The following CFAP77 variants were observed in gnomAD, a reference collection of about 807,000 sequenced individuals.
The protein encoded by CFAP77 is cilia- and flagella-associated protein 77.
Under a neutral mutation model 31.1 loss-of-function variants are expected in CFAP77, and 25 were observed. The observed-to-expected ratio is 0.80, with a 90% CI of 0.59 to 1.12. The LOEUF is 1.12. CFAP77 is among the 50% of genes most tolerant of loss of function. The pLI is 0.00. For missense variants in CFAP77, 377 were observed against 397.3 expected, an observed-to-expected ratio of 0.95 and a Z score of 0.44; for synonymous variants, 151 against 159.9, an observed-to-expected ratio of 0.94 and a Z score of 0.42.
intron 3 of CFAP77, among the ~76,000 whole-genome samples, chr9:132,502,998 G>A (rs1851878616): frequency 6.6e-6 from 1 of 152,202 alleles, no homozygotes; most frequent in African/African-American, 2.4e-5. Flanking sequence ...TCAAAGTTCA[G>A]CTCAGCATCG....
intron 1 of CFAP77, among the ~76,000 whole-genome samples, chr9:132,457,394 G>C (rs1402114592): frequency 6.6e-6 from 1 of 152,216 alleles, no homozygotes; most frequent in Admixed American, 6.5e-5. Flanking sequence ...TAGCTCGACT[G>C]TGTCACTGCC....
chr9:132,530,487 C>T (rs551368972), intron 3 of CFAP77, among the ~76,000 whole-genome samples: 1 of 152,124 alleles, frequency 6.6e-6, no homozygotes, highest in Non-Finnish European at 1.5e-5. Flanking sequence ...GTTGGCCAGG[C>T]TGGTCTCGAA....
chr9:132,516,737 C>T (rs916567995), intron 3 of CFAP77, among the ~76,000 whole-genome samples: 4 of 151,964 alleles, frequency 2.6e-5, no homozygotes, highest in Admixed American at 6.5e-5. Context: ...GTAAGGGGCA[C>T]GTGGGATCTC....
intron 1 of CFAP77, among the ~76,000 whole-genome samples, chr9:132,445,568 TG>T (rs1479895705): frequency 6.6e-6 from 1 of 152,084 alleles, no homozygotes; most frequent in African/African-American, 2.4e-5. Flanking sequence ...TATTGGCTTT[TG>T]AAAAACAAAA....
intron 3 of CFAP77, among the ~76,000 whole-genome samples, chr9:132,508,575 T>A (rs1851977885): frequency 6.6e-6 from 1 of 151,840 alleles, no homozygotes; most frequent in South Asian, 2.1e-4. Context: ...AGCCCTGGGA[T>A]TAGGACAGTG....
chr9:132,561,955 C>T (rs978622588), intron 5 of CFAP77, among the ~76,000 whole-genome samples: 1 of 152,116 alleles, frequency 6.6e-6, no homozygotes, highest in African/African-American at 2.4e-5. Context: ...ACGGCCAATG[C>T]CTCATCTCCA....
intron 1 of CFAP77, among the ~76,000 whole-genome samples, chr9:132,459,802 T>G (rs1346658749): frequency 6.7e-6 from 1 of 149,820 alleles, no homozygotes; most frequent in Non-Finnish European, 1.5e-5. Flanking sequence ...GTGAGAGCGA[T>G]GTGTGTATGT....
intron 5 of CFAP77, among the ~76,000 whole-genome samples, chr9:132,553,174 C>A (rs1852848623): frequency 6.6e-6 from 1 of 152,218 alleles, no homozygotes; most frequent in South Asian, 2.1e-4. Context: ...AGGAAGCACA[C>A]ACTCTGGTGT....
intron 1 of CFAP77, among the ~76,000 whole-genome samples, chr9:132,440,643 A>G (rs1366667548): frequency 6.6e-6 from 1 of 152,206 alleles, no homozygotes; most frequent in Non-Finnish European, 1.5e-5. Flanking sequence ...CTAGCTATTG[A>G]CAATTATGAT....
intron 1 of CFAP77, among the ~76,000 whole-genome samples, chr9:132,458,188 T>C (rs927220669): frequency 6.6e-6 from 1 of 152,114 alleles, no homozygotes; most frequent in Admixed American, 6.5e-5. Context: ...AATCAGAACA[T>C]AAAGAGGGAC....
At chr9:132,463,579 C>T (rs1851099148) in intron 1 of CFAP77, among the ~76,000 whole-genome samples, 1 of 152,334 alleles carries the variant, frequency 6.6e-6, no homozygotes, top group South Asian at 2.1e-4. Context: ...AGGAGGGAGC[C>T]TGGCCCCGGT....
intron 1 of CFAP77, among the ~76,000 whole-genome samples, chr9:132,468,792 C>T (rs914915228): frequency 7.1e-4 from 21 of 29,766 alleles, no homozygotes; most frequent in Admixed American, 3.7e-3. Flanking sequence ...CACACACACG[C>T]ACACACACAC....
chr9:132,429,671 C>T (rs538535382), intron 1 of CFAP77, among the ~76,000 whole-genome samples: 13 of 148,068 alleles, frequency 8.8e-5, no homozygotes, highest in East Asian at 6.0e-4. Context: ...GGCGAAACCC[C>T]GTCTCTACTA....
chr9:132,411,102 T>G (rs1007072632), intron 1 of CFAP77, among the ~76,000 whole-genome samples: 16 of 152,160 alleles, frequency 1.1e-4, no homozygotes, highest in Non-Finnish European at 2.2e-4. Context: ...TACACTTCCC[T>G]CCTCCCCACC....
At chr9:132,462,924 T>C (rs1403293178) in intron 1 of CFAP77, among the ~76,000 whole-genome samples, 1 of 151,624 alleles carries the variant, frequency 6.6e-6, no homozygotes, top group African/African-American at 2.4e-5. Flanking sequence ...GGCCTGGGTC[T>C]GTCTCTCCAG....
intron 3 of CFAP77, among the ~76,000 whole-genome samples, chr9:132,533,217 C>G (rs1022347832): frequency 1.3e-5 from 2 of 152,224 alleles, no homozygotes; most frequent in Non-Finnish European, 2.9e-5. Flanking sequence ...AAGGGCCCTT[C>G]AGCTGCCGAA....
chr9:132,453,026 T>A (rs1850853590), intron 1 of CFAP77, among the ~76,000 whole-genome samples: 1 of 152,204 alleles, frequency 6.6e-6, no homozygotes, highest in African/African-American at 2.4e-5. Flanking sequence ...ACTCATGGTG[T>A]GTGCTCAGTC....
chr9:132,534,610 CAAAAAAAAAAA>C (rs201151199), intron 3 of CFAP77, among the ~76,000 whole-genome samples: 1 of 64,116 alleles, frequency 1.6e-5, no homozygotes, highest in Non-Finnish European at 3.4e-5. Flanking sequence ...GACTCTGTCT[CAAAAAAAAAAA>C]AAAAAAAAAA....
At chr9:132,446,348 G>A (rs768290350) in intron 1 of CFAP77, among the ~76,000 whole-genome samples, 1 of 151,974 alleles carries the variant, frequency 6.6e-6, no homozygotes, top group Non-Finnish European at 1.5e-5. Flanking sequence ...CGTGGTCCTG[G>A]TTTCTGTTTT....
Sources: allele counts gnomAD v4.1 joint callset (sites outside exome capture counted in the v4.1 genomes callset), GRCh38; gene constraint gnomAD v4.1.1; transcripts MANE v1.5; gene names NCBI Gene and HGNC (gene_info 2026-07-23, HGNC 2026-07-21).